PRKCB: variants seen among roughly 807,000 people sequenced by gnomAD.
The protein encoded by PRKCB is protein kinase C beta type.
A neutral mutation model predicts 81.5 loss-of-function variants in PRKCB; 13 were observed. That is an observed-to-expected ratio of 0.16 (90% CI 0.10 to 0.25). PRKCB has a LOEUF of 0.25. Ranked by LOEUF, PRKCB falls within the 10% of genes least tolerant of loss-of-function variation. The pLI, the probability that PRKCB is intolerant of heterozygous loss-of-function variation, is 1.00. For synonymous variants in PRKCB, 335 were observed against 321.4 expected, an observed-to-expected ratio of 1.04 and a Z score of -0.45; for missense variants, 509 against 875.7, an observed-to-expected ratio of 0.58 and a Z score of 5.29.
intron 2 of PRKCB, among the ~76,000 whole-genome samples, chr16:23,927,367 T>C (rs1301661650): frequency 6.6e-6 from 1 of 151,912 alleles, no homozygotes; most frequent in Non-Finnish European, 1.5e-5. Context: ...ATTTTCAGGG[T>C]AGGGGATGTG....
At chr16:24,096,583 G>T (rs72779971) in intron 7 of PRKCB, among the ~76,000 whole-genome samples, 1 of 148,776 alleles carries the variant, frequency 6.7e-6, no homozygotes, top group Non-Finnish European at 1.5e-5. Flanking sequence ...ATGTACTGGG[G>T]TGTTGTTTTC....
At chr16:23,941,599 A>T (rs1409941059) in intron 2 of PRKCB, among the ~76,000 whole-genome samples, 1 of 152,222 alleles carries the variant, frequency 6.6e-6, no homozygotes, top group Non-Finnish European at 1.5e-5. Context: ...ATTATGATTT[A>T]TTATTAGGAA....
chr16:24,116,698 A>G (rs568422787), intron 8 of PRKCB, among the ~76,000 whole-genome samples: 1 of 152,376 alleles, frequency 6.6e-6, no homozygotes, highest in South Asian at 2.1e-4. Flanking sequence ...ATAAAAATTA[A>G]GACAGGAAGG....
In PRKCB at chr16:23,872,487, C is replaced by A. The variant is rs569505366; in HGVS notation, c.205+35081C>A. On this transcript the variant is annotated intron_variant, in intron 2 of 16. Coordinates refer to ENST00000643927, the MANE Select transcript of PRKCB (RefSeq NM_002738.7). ...AGTGAACTATGATTGTGCCACTGCACTCCAGCCTGGATGACAGAGCAAGAC... is the reference window on the plus strand; with the variant it reads ...AGTGAACTATGATTGTGCCACTGCAATCCAGCCTGGATGACAGAGCAAGAC... Among the ~76,000 whole-genome samples, 23 of 152,222 alleles carry A rather than the reference C, an allele frequency of 1.5e-4. No homozygotes were observed. The East Asian group carries it at 3.3e-3, about 22-fold the overall frequency.
At chr16:24,124,103 C>T (rs949382713) in intron 9 of PRKCB, 122 bp downstream of exon 9, 2 of 1,145,850 alleles carry the variant, frequency 1.7e-6, no homozygotes, top group Non-Finnish European at 2.5e-6. Flanking sequence ...AATAGAGCCA[C>T]ACTACACTTT....
At chr16:24,133,860 C>T (rs1395019473) in intron 9 of PRKCB, among the ~76,000 whole-genome samples, 2 of 151,674 alleles carry the variant, frequency 1.3e-5, no homozygotes, top group African/African-American at 4.9e-5. Context: ...CTCTTCTCCA[C>T]TTTGGGGTCC....
In PRKCB at chr16:24,180,808, C is replaced by T. The variant is rs745373140; in HGVS notation, c.1413C>T (p.Asn471=). The T allele has an allele frequency of 3.0e-5, 49 of 1,613,936 alleles. No homozygotes were observed. The highest frequency in any genetic ancestry group is 1.9e-4 in the African/African-American group (14 of 74,920). ...GCCATAGTGACCTAAAACTTGACAA[C>T]GTGATGCTCGATTCTGAGGGACACA... ...GIIYRDLKLD[N]VMLDSEGHIK... Residue 471 remains asparagine, a synonymous_variant, in exon 13 of 17, where the codon AAC becomes AAT. Coordinates refer to ENST00000643927, the MANE Select transcript of PRKCB (RefSeq NM_002738.7).
At chr16:23,950,687 C>T (rs1370236532) in intron 2 of PRKCB, among the ~76,000 whole-genome samples, 1 of 152,206 alleles carries the variant, frequency 6.6e-6, no homozygotes, top group Non-Finnish European at 1.5e-5. Context: ...CATCAGTGGG[C>T]ATTTTGGGCC....
At chr16:24,063,772 G>A (rs986621337) in intron 5 of PRKCB, among the ~76,000 whole-genome samples, 2 of 152,170 alleles carry the variant, frequency 1.3e-5, no homozygotes, top group Non-Finnish European at 2.9e-5. Flanking sequence ...ATTTCTGGTT[G>A]TCTTGGCTCC....
chr16:24,012,435 T>C (rs1005165568), intron 3 of PRKCB, among the ~76,000 whole-genome samples: 3 of 152,218 alleles, frequency 2.0e-5, no homozygotes, highest in Admixed American at 6.5e-5. Flanking sequence ...CCATCCTCAC[T>C]GAGAGGACCC....
chr16:23,996,489 A>G (rs1318768845), intron 3 of PRKCB, among the ~76,000 whole-genome samples: 4 of 152,202 alleles, frequency 2.6e-5, no homozygotes, highest in African/African-American at 9.7e-5. Context: ...CCTAGGGGTT[A>G]TCAGCCAGCT....
chr16:24,193,437 T>C, intron 16 of PRKCB, among the ~76,000 whole-genome samples: 1 of 128,038 alleles, frequency 7.8e-6, no homozygotes, highest in African/African-American at 3.3e-5. Flanking sequence ...AGAGTGAGAC[T>C]CCATCTCAAA....
chr16:24,173,499 A>T (rs1967478583), intron 11 of PRKCB, among the ~76,000 whole-genome samples: 1 of 152,046 alleles, frequency 6.6e-6, no homozygotes, highest in Non-Finnish European at 1.5e-5. Flanking sequence ...CTATGTTCTG[A>T]TAGGATTTGC....
chr16:23,892,325 C>T (rs755767955), intron 2 of PRKCB, among the ~76,000 whole-genome samples: 16 of 152,120 alleles, frequency 1.1e-4, no homozygotes, highest in Non-Finnish European at 2.2e-4. Flanking sequence ...AGACTGACAA[C>T]GAGTGGTTAA....
intron 3 of PRKCB, among the ~76,000 whole-genome samples, chr16:23,993,124 G>A (rs1964909768): frequency 6.6e-6 from 1 of 152,150 alleles, no homozygotes; most frequent in Non-Finnish European, 1.5e-5. Context: ...AACGTGAGAT[G>A]CACTGTGTGA....
At chr16:23,948,843 T>C (rs1012053210) in intron 2 of PRKCB, among the ~76,000 whole-genome samples, 5 of 152,106 alleles carry the variant, frequency 3.3e-5, no homozygotes, top group African/African-American at 1.2e-4. Context: ...AGGATTTGAG[T>C]CCAGATCCTC....
At chr16:23,875,716 A>ATATCACACATATATATGTG (rs1962999849) in intron 2 of PRKCB, among the ~76,000 whole-genome samples, 1 of 128,178 alleles carries the variant, frequency 7.8e-6, no homozygotes, top group African/African-American at 3.2e-5. Flanking sequence ...ATATATATGT[A>ATATCACACATATATATGTG]TGTATATCAC....
intron 5 of PRKCB, among the ~76,000 whole-genome samples, chr16:24,063,203 A>G (rs1965994321): frequency 6.6e-6 from 1 of 151,180 alleles, no homozygotes; most frequent in Admixed American, 6.6e-5. Flanking sequence ...GATCCCTTTA[A>G]CCCTGTCTTC....
At chr16:24,017,041 T>C (rs62029627) in intron 3 of PRKCB, among the ~76,000 whole-genome samples, 95 of 152,262 alleles carry the variant, frequency 6.2e-4, no homozygotes, top group Non-Finnish European at 1.2e-3. Context: ...TCTGGGAGAA[T>C]ACATGGATAA....
Sources: allele counts gnomAD v4.1 joint callset (sites outside exome capture counted in the v4.1 genomes callset), GRCh38; gene constraint gnomAD v4.1.1; transcripts MANE v1.5; gene names NCBI Gene and HGNC (gene_info 2026-07-23, HGNC 2026-07-21).